NAV1: variants seen among roughly 807,000 people sequenced by gnomAD.
NAV1 encodes the protein pore membrane and/or filament interacting like protein 3.
Under a neutral mutation model 175.2 loss-of-function variants are expected in NAV1, and 18 were observed. The ratio of observed to expected loss-of-function variants is 0.10; its 90% CI spans 0.07 to 0.15. NAV1 has a LOEUF of 0.15. Ranked by LOEUF, NAV1 falls within the 10% of genes least tolerant of loss-of-function variation. The probability of loss-of-function intolerance (pLI) is 1.00; values close to 1 mark genes in which losing one functional copy is unlikely to be tolerated. For synonymous variants in NAV1, 897 were observed against 978.7 expected (o/e 0.92, Z 1.56); for missense variants, 1,731 against 2,436.6 (o/e 0.71, Z 6.10).
chr1:201,661,096 T>C (rs1196439292), intron 1 of NAV1, among the ~76,000 whole-genome samples: 3 of 152,172 alleles, frequency 2.0e-5, no homozygotes, highest in Non-Finnish European at 4.4e-5. Flanking sequence ...AAGTTCACGG[T>C]CAAGCTAAGC....
intron 3 of NAV1, chr1:201,737,484 T>C (rs1673165276): frequency 6.6e-6 from 1 of 152,230 alleles, no homozygotes; most frequent in African/African-American, 2.4e-5. Context: ...GCTGAGCTAC[T>C]GGCTGAGACT....
intron 1 of NAV1, among the ~76,000 whole-genome samples, chr1:201,670,204 C>T (rs1669982766): frequency 6.6e-6 from 1 of 150,808 alleles, no homozygotes; most frequent in Non-Finnish European, 1.5e-5. Context: ...ACGGTGAAAC[C>T]CCATCTCTAC....
intron 28 of NAV1, 64 bp from the exon 33 acceptor site, chr1:201,817,024 A>T: frequency 6.7e-7 from 1 of 1,486,178 alleles, no homozygotes; most frequent in Non-Finnish European, 9.3e-7. Flanking sequence ...CTACCAAAAG[A>T]CTGCATGAAC....
chr1:201,739,903 T>A, intron 3 of NAV1: 2 of 1,298,580 alleles, frequency 1.5e-6, no homozygotes, highest in Non-Finnish European at 2.0e-6. Flanking sequence ...GAGGGTTAGG[T>A]TTCCGACCCT....
At chr1:201,758,658 A>G (rs1041060849) in intron 3 of NAV1, among the ~76,000 whole-genome samples, 3 of 152,112 alleles carry the variant, frequency 2.0e-5, no homozygotes, top group East Asian at 1.9e-4. Flanking sequence ...GTCCCTAGAG[A>G]TGCATAAGTG....
chr1:201,593,162 T>TA (rs1174132327), intron 2 of NAV1, among the ~76,000 whole-genome samples: 4 of 152,120 alleles, frequency 2.6e-5, no homozygotes, highest in Non-Finnish European at 4.4e-5. Flanking sequence ...GGGGTGGGAA[T>TA]AGGGGTATTC....
Position 201,782,472 on chromosome 1 carries a change from A to G in NAV1, c.1960A>G (p.Ser654Gly). 6.2e-7 allele frequency: 1 copy of G among 1,613,834 alleles called. No individual in the cohort carries two copies. Among genetic ancestry groups the G allele is most frequent in the South Asian group, 1.1e-5 (1 of 91,088 alleles). Residue 654 changes from serine to glycine, a missense_variant, in exon 6 of 30, where the codon AGT (serine) becomes GGT (glycine). By Grantham distance (56) the Ser-to-Gly change is moderately conservative. Around this residue, in one of 13 missense-constraint regions of NAV1, gnomAD observed 634 missense variants for 766.8 expected, o/e 0.83. Transcript: ENST00000367296. This position sits in a 1 kb window ranked among gnomAD's most constrained non-coding sequence, Gnocchi z 5.4. ...CAAGACTAGCTTAGATGTTTCCAAC[A>G]GTGCAGAGCCAGGATTCCTGGCTCC...
chr1:201,725,681 C>T (rs144807403), intron 3 of NAV1, among the ~76,000 whole-genome samples: 296 of 150,444 alleles, frequency 2.0e-3, no homozygotes, highest in Admixed American at 3.2e-3. Flanking sequence ...GTGGGCTAGG[C>T]GCAGTGGCTT....
intron 1 of NAV1, among the ~76,000 whole-genome samples, chr1:201,673,614 GC>G (rs1221014134): frequency 2.0e-5 from 3 of 152,180 alleles, no homozygotes; most frequent in African/African-American, 7.2e-5. Flanking sequence ...CAAGGAACAG[GC>G]CCTGCCCTCA....
intron 1 of NAV1, among the ~76,000 whole-genome samples, chr1:201,662,586 C>T (rs1669655389): frequency 6.6e-6 from 1 of 152,228 alleles, no homozygotes; most frequent in African/African-American, 2.4e-5. Flanking sequence ...TTTGCACTTA[C>T]TCCTCATCTG....
At chr1:201,804,045 C>G (rs891001211) in intron 16 of NAV1, 25 of 507,456 alleles carry the variant, frequency 4.9e-5, no homozygotes, top group Non-Finnish European at 9.6e-5. Context: ...CCCACCACCC[C>G]CCATTCCCTT....
At chr1:201,581,907 T>G (rs777292384) in intron 1 of NAV1, among the ~76,000 whole-genome samples, 16 of 152,062 alleles carry the variant, frequency 1.1e-4, no homozygotes, top group Non-Finnish European at 2.1e-4. Flanking sequence ...CCATCCTGGC[T>G]AACACGGTGA....
At chr1:201,721,744 G>A (rs552873569) in intron 3 of NAV1, among the ~76,000 whole-genome samples, 1 of 152,324 alleles carries the variant, frequency 6.6e-6, no homozygotes, top group South Asian at 2.1e-4. Context: ...TCCCAGCACT[G>A]GGCCAGCAGA....
Position 201,807,947 on chromosome 1 carries a change from T to C in NAV1, c.3649-6T>C, listed in dbSNP as rs1571513306. The C allele has an allele frequency of 1.9e-6, 3 of 1,614,182 alleles. No individual in the cohort carries two copies. Among genetic ancestry groups the C allele is most frequent in the East Asian group, 2.2e-5 (1 of 44,878 alleles). On this transcript the variant is annotated splice_region_variant and splice_polypyrimidine_tract_variant and intron_variant, in intron 17 of 29. Coordinates refer to ENST00000367296, the Ensembl canonical transcript of NAV1. This position sits in a 1 kb window ranked among gnomAD's most constrained non-coding sequence, Gnocchi z 5.4. ...TGTCCCTCTACCTGGATCTGCTTTT[T>C]TCTAGCTTCGAAGTTCCTTCAACAA...
At chr1:201,668,512 T>C (rs1259167547) in intron 1 of NAV1, among the ~76,000 whole-genome samples, 3 of 152,142 alleles carry the variant, frequency 2.0e-5, no homozygotes, top group Non-Finnish European at 4.4e-5. Flanking sequence ...TCTGCCTGTG[T>C]CCTAGCCCCT....
At chr1:201,540,916 A>G (rs1006467274) in intron 1 of NAV1, among the ~76,000 whole-genome samples, 1 of 152,206 alleles carries the variant, frequency 6.6e-6, no homozygotes, top group African/African-American at 2.4e-5. Flanking sequence ...TTGGAAGAAT[A>G]AAGAAGGTTT....
Position 201,787,257 on chromosome 1 carries a change from C to T in NAV1, c.2995+680C>T, listed in dbSNP as rs963513187. 2.6e-5 allele frequency among the ~76,000 whole-genome samples: 4 copies of T among 152,206 alleles called. No individual in the cohort carries two copies. Among genetic ancestry groups the T allele is most frequent in the African/African-American group, 9.7e-5 (4 of 41,444 alleles). On this transcript the variant is annotated intron_variant, in intron 9 of 29. Transcript: ENST00000367296. The surrounding 1 kb of genome is among the most constrained non-coding windows in gnomAD (Gnocchi z 4.3). ...TGTGAAGCAGTACGCCATGATTGGC[C>T]TACTAGGAATCCATTCAGGAATAGT... is the stretch of plus-strand genomic sequence containing the variant.
At chr1:201,560,241 C>T (rs1012322759) in intron 1 of NAV1, among the ~76,000 whole-genome samples, 5 of 152,132 alleles carry the variant, frequency 3.3e-5, no homozygotes, top group African/African-American at 1.2e-4. Context: ...GATGTAAAAC[C>T]CATTAAGGAT....
chr1:201,772,178 A>G (rs895985664), intron 3 of NAV1, among the ~76,000 whole-genome samples: 5 of 152,258 alleles, frequency 3.3e-5, no homozygotes, highest in African/African-American at 1.2e-4. Flanking sequence ...TAACAGAAGT[A>G]TAGATATGTC....
Sources: gnomAD v4.1 joint callset for allele counts (sites outside exome capture counted in the v4.1 genomes callset) on GRCh38, gnomAD v4.1.1 for gene constraint, gnomAD v4.1.1 regional missense constraint, Gnocchi (gnomAD v3.1) non-coding constraint, MANE v1.5 for transcripts, NCBI Gene and HGNC (gene_info 2026-07-23, HGNC 2026-07-21) for gene names.